Variants in GTPBP10 observed in about 807,000 individuals in gnomAD.
The protein encoded by GTPBP10 is GTP binding protein 10.
In GTPBP10, 38 loss-of-function variants were observed where a neutral mutation model predicts 44.8. The ratio of observed to expected loss-of-function variants is 0.85; its 90% CI spans 0.65 to 1.11. GTPBP10 has a LOEUF of 1.11. Ranked by LOEUF, GTPBP10 falls within the 50% of genes most tolerant of loss-of-function variation. The probability of loss-of-function intolerance (pLI) is 0.00; values close to 1 mark genes in which losing one functional copy is unlikely to be tolerated. For missense variants in GTPBP10, 462 were observed against 453.7 expected (o/e 1.02, Z -0.17); for synonymous variants, 152 against 150.6 (o/e 1.01, Z -0.07).
chr7:90,359,189 A>G (rs1795964818), intron 4 of GTPBP10, among the ~76,000 whole-genome samples: 1 of 151,976 alleles, frequency 6.6e-6, no homozygotes, highest in African/African-American at 2.4e-5. Flanking sequence ...TAGGGTATGC[A>G]CAACATGCAG....
intron 4 of GTPBP10, among the ~76,000 whole-genome samples, chr7:90,369,304 G>T (rs1354959831): frequency 6.6e-6 from 1 of 152,214 alleles, no homozygotes; most frequent in African/African-American, 2.4e-5. Context: ...TGAACACCAT[G>T]CTGGGAGAAC....
rs1439595277 is a variant in GTPBP10, at chr7:90,386,507, A to C, written c.*1353A>C. On this transcript the variant is annotated 3_prime_UTR_variant, in exon 10 of 10. Transcript: ENST00000222511. ...TTTGTCATAATCTATTTAATTTCCC[A>C]CTTTCTTATTTTAGTAAAGAGAGAA... 1.3e-5 allele frequency: 2 copies of C among 151,976 alleles called. No individual in the cohort carries two copies. Among genetic ancestry groups the C allele is most frequent in the African/African-American group, 4.8e-5 (2 of 41,364 alleles). The allele number at this position is 151,976 out of a possible 1,614,324, so 9.4% of individuals were successfully genotyped here. A position where few individuals can be genotyped will look rare whatever the true frequency, so the allele number is the denominator to read the frequency against.
rs186591323 is a variant in GTPBP10, at chr7:90,355,197, A to C, written c.431A>C (p.Asp144Ala). 1 of 1,601,878 alleles carries C rather than the reference A, an allele frequency of 6.2e-7. No homozygotes were observed. Among genetic ancestry groups the C allele is most frequent in the Admixed American group, 1.7e-5 (1 of 58,586 alleles). Residue 144 changes from aspartate (D) to alanine (A), a missense_variant, in exon 4 of 10, where the codon GAT becomes GCT. Physicochemically the swap from Asp to Ala is moderately radical, Grantham distance 126. Coordinates refer to ENST00000222511, the MANE Select transcript of GTPBP10 (RefSeq NM_033107.4). The stretch of plus-strand genomic sequence containing the variant: ...GGCCAGAAACGAATAATTCACCTTG[A>C]TCTAAAACTTATAGCTGATGTAGGC... ...LKGQKRIIHLDLKLIADVGLV... is the reference protein window; with the variant it reads ...LKGQKRIIHLALKLIADVGLV...
At chr7:90,358,384 G>A (rs111698470) in intron 4 of GTPBP10, among the ~76,000 whole-genome samples, 2,353 of 152,212 alleles carry the variant, frequency 0.015, 59 homozygotes, top group African/African-American at 0.052. Context: ...CAAGGTTATA[G>A]TAACCAAAAC....
At chr7:90,378,402 A>T (rs1796380822) in intron 8 of GTPBP10, 191 bp downstream of exon 8, 2 of 328,960 alleles carry the variant, frequency 6.1e-6, no homozygotes, top group Non-Finnish European at 8.7e-6. Context: ...CAGTGGATAA[A>T]ACACTCCTGG....
intron 4 of GTPBP10, among the ~76,000 whole-genome samples, chr7:90,366,298 A>G (rs1796133018): frequency 6.6e-6 from 1 of 152,118 alleles, no homozygotes; most frequent in Non-Finnish European, 1.5e-5. Context: ...TCATGGAATG[A>G]GTTAGAGAGG....
chr7:90,380,110 A>T (rs1418598756), intron 8 of GTPBP10, among the ~76,000 whole-genome samples: 7 of 117,774 alleles, frequency 5.9e-5, no homozygotes, highest in Non-Finnish European at 8.1e-5. Flanking sequence ...ATGGAGTCTC[A>T]CTCTGTCGCC....
At position 90,352,808 on chromosome 7, in the gene GTPBP10, T is replaced by A. The variant is rs935367580; in HGVS notation, c.34-8T>A. Reference sequence around the variant, plus strand: ...GTATACAAATATTCTTTCTCTTTTTTTTTTAAGTATGGAAATTTCATCGAT... The same window carrying A: ...GTATACAAATATTCTTTCTCTTTTTATTTTAAGTATGGAAATTTCATCGAT... On this transcript the variant is annotated splice_region_variant and splice_polypyrimidine_tract_variant and intron_variant, in intron 1 of 9. Coordinates refer to ENST00000222511, the MANE Select transcript of GTPBP10 (RefSeq NM_033107.4). 8 of 1,582,060 alleles carry A rather than the reference T, an allele frequency of 5.1e-6. No individual in the cohort carries two copies. Among genetic ancestry groups the A allele is most frequent in the Non-Finnish European group, 6.0e-6 (7 of 1,166,806 alleles).
chr7:90,349,500 G>A (rs1795746987), intron 1 of GTPBP10, among the ~76,000 whole-genome samples: 1 of 152,138 alleles, frequency 6.6e-6, no homozygotes, highest in African/African-American at 2.4e-5. Flanking sequence ...TGACTTCAGG[G>A]AGAAAGCATC....
At chr7:90,377,354 A>C (rs1796358208) in intron 6 of GTPBP10, among the ~76,000 whole-genome samples, 153 bp from the exon 7 acceptor site, 1 of 152,232 alleles carries the variant, frequency 6.6e-6, no homozygotes, top group Non-Finnish European at 1.5e-5. Context: ...CTGTACATTA[A>C]TTTTACTCTT....
intron 4 of GTPBP10, among the ~76,000 whole-genome samples, chr7:90,360,757 C>A (rs971459595): frequency 6.6e-6 from 1 of 152,178 alleles, no homozygotes; most frequent in Non-Finnish European, 1.5e-5. Context: ...GATACTGATT[C>A]TTCCTATCGA....
At position 90,382,992 on chromosome 7, in the gene GTPBP10, C is replaced by T. The variant is rs1474765166; in HGVS notation, c.814C>T (p.Pro272Ser). 2.5e-6 allele frequency: 4 copies of T among 1,593,302 alleles called. No individual in the cohort carries two copies. Among genetic ancestry groups the T allele is most frequent in the East Asian group, 2.2e-5 (1 of 44,624 alleles). ...GTACAAAGAGGAACTTCAGACAAAA[C>T]CTGCACTCTTGGCAGTTAATAAAAT... ...ELYKEELQTK[P>S]ALLAVNKMDL... Residue 272 changes from proline to serine, a missense_variant, in exon 9 of 10, where the codon CCT (proline) becomes TCT (serine). Physicochemically the swap from Pro to Ser is moderately conservative, Grantham distance 74 (BLOSUM62 -1). Transcript: ENST00000222511.
intron 4 of GTPBP10, among the ~76,000 whole-genome samples, chr7:90,360,492 G>T (rs1584632786): frequency 6.6e-6 from 1 of 152,030 alleles, no homozygotes; most frequent in Non-Finnish European, 1.5e-5. Flanking sequence ...CTGTCCTATT[G>T]GTCTATATCT....
chr7:90,380,580 T>A (rs373684001), intron 8 of GTPBP10, among the ~76,000 whole-genome samples: 25 of 152,214 alleles, frequency 1.6e-4, no homozygotes, highest in African/African-American at 5.8e-4. Flanking sequence ...TATTTGGATA[T>A]ATGTTTACCT....
intron 6 of GTPBP10, among the ~76,000 whole-genome samples, chr7:90,374,897 T>C (rs12540034): frequency 0.11 from 16,143 of 152,268 alleles, 1,064 homozygotes; most frequent in Non-Finnish European, 0.15. Context: ...CCCATGTACA[T>C]TGAAAAGTTA....
intron 7 of GTPBP10, 151 bp from the exon 8 acceptor site, chr7:90,377,983 C>T (rs1011284678): frequency 1.8e-5 from 19 of 1,085,054 alleles, no homozygotes; most frequent in African/African-American, 4.8e-5. Flanking sequence ...CTTAACACCT[C>T]GATTTCTGTT....
chr7:90,353,670 A>G (rs1795839136), intron 2 of GTPBP10, among the ~76,000 whole-genome samples: 1 of 152,150 alleles, frequency 6.6e-6, no homozygotes, highest in Non-Finnish European at 1.5e-5. Flanking sequence ...ATAAATTCCC[A>G]GAAGTAGAAT....
Position 90,385,193 on chromosome 7 carries a change from C to G in GTPBP10, c.*39C>G. On this transcript the variant is annotated 3_prime_UTR_variant, in exon 10 of 10. Transcript: ENST00000222511. ...GGTATTGATGGAACAGTATTTAATG[C>G]TTAAAAACAAGGAAATCCTTTCATC... 2 of 1,403,260 alleles carry G rather than the reference C, an allele frequency of 1.4e-6. No individual in the cohort carries two copies. Among genetic ancestry groups the G allele is most frequent in the African/African-American group, 1.4e-5 (1 of 69,040 alleles). The allele number at this position is 1,403,260 out of a possible 1,614,324, so 86.9% of individuals were successfully genotyped here.
chr7:90,348,971 C>T (rs1325417991), intron 1 of GTPBP10, among the ~76,000 whole-genome samples: 1 of 152,154 alleles, frequency 6.6e-6, no homozygotes, highest in African/African-American at 2.4e-5. Context: ...TCTGTTAATT[C>T]CTCTGGTTTG....
Sources: gnomAD v4.1 joint callset for allele counts (sites outside exome capture counted in the v4.1 genomes callset) on GRCh38, gnomAD v4.1.1 for gene constraint, MANE v1.5 for transcripts, NCBI Gene and HGNC (gene_info 2026-07-23, HGNC 2026-07-21) for gene names.